Variants in PARP10 observed in about 807,000 individuals in gnomAD.
PARP10 encodes the protein protein mono-ADP-ribosyltransferase PARP10.
In PARP10, 56 loss-of-function variants were observed where a neutral mutation model predicts 82.4. That is an observed-to-expected ratio of 0.68 (90% CI 0.55 to 0.85). The LOEUF (loss-of-function observed/expected upper bound fraction) is 0.85, where lower values mean the gene tolerates loss of function less well. Among genes scored for constraint, PARP10 ranks in the 40% least tolerant of loss-of-function variants. The probability of loss-of-function intolerance (pLI) is 0.00; values close to 1 mark genes in which losing one functional copy is unlikely to be tolerated. For missense variants in PARP10, 1,227 were observed against 1,379.4 expected (o/e 0.89, Z 1.75); for synonymous variants, 576 against 601.1 (o/e 0.96, Z 0.61).
intron 1 of PARP10, among the ~76,000 whole-genome samples, chr8:144,010,940 A>T (rs1464116870): frequency 6.6e-6 from 1 of 152,090 alleles, no homozygotes; most frequent in Non-Finnish European, 1.5e-5. Flanking sequence ...AAATTTTTAA[A>T]AAGTTGTTCA....
chr8:143,986,513 C>G (rs1554749440), upstream of PARP10: 1 of 1,183,116 alleles, frequency 8.5e-7, no homozygotes, highest in Non-Finnish European at 1.2e-6. Flanking sequence ...GGCGCTGAGG[C>G]CTGGGTACTG....
upstream of PARP10, among the ~76,000 whole-genome samples, chr8:143,994,550 C>T (rs568887823): frequency 4.6e-5 from 7 of 152,356 alleles, no homozygotes; most frequent in South Asian, 1.4e-3. Context: ...CAGCTGCCCT[C>T]CTGTTGTCCT....
chr8:143,978,180 G>A, intron 9 of PARP10, 99 bp from the exon 10 acceptor site: 1 of 1,348,664 alleles, frequency 7.4e-7, no homozygotes, highest in Non-Finnish European at 9.8e-7. Flanking sequence ...CTCTGTTGGA[G>A]GAGTCCAGGG....
In PARP10 at chr8:144,011,334, G is replaced by T. The variant is rs1295973158; in HGVS notation, c.-80+1196C>A. Among the ~76,000 whole-genome samples the T allele has an allele frequency of 6.6e-6, 1 of 152,028 alleles. No individual in the cohort carries two copies. The highest frequency in any genetic ancestry group is 1.5e-5 in the Non-Finnish European group (1 of 68,020). ...CCTGGGGCCAGAGTGACTGAGCCAG[G>T]ATTACAGTCTGAAGCATTAGAGGAG... On this transcript the variant is annotated intron_variant, in intron 1 of 3. Transcript: ENST00000530478. The surrounding 1 kb of genome is among the most constrained non-coding windows in gnomAD (Gnocchi z 4.5).
intron 1 of PARP10, among the ~76,000 whole-genome samples, chr8:144,004,637 A>G (rs188622321): frequency 1.9e-3 from 290 of 152,324 alleles, no homozygotes; most frequent in Middle Eastern, 3.4e-3. Flanking sequence ...GAGATTCCTG[A>G]TGAAAATTCC....
chr8:143,991,207 C>A (rs1834087059), upstream of PARP10: 1 of 1,552,234 alleles, frequency 6.4e-7, no homozygotes, highest in Non-Finnish European at 8.7e-7. Context: ...TAGGGGCGGA[C>A]CGCGGAACCC....
chr8:143,992,730 G>A (rs1554750801), upstream of PARP10: 4 of 1,613,868 alleles, frequency 2.5e-6, no homozygotes, highest in South Asian at 1.1e-5. Context: ...TGGGGAACAA[G>A]CAGCTGTCCC....
chr8:143,982,183 TGCA>T (rs1833879082), intron 9 of PARP10, among the ~76,000 whole-genome samples: 1 of 151,906 alleles, frequency 6.6e-6, no homozygotes, highest in Non-Finnish European at 1.5e-5. Flanking sequence ...GAGTGCCCCG[TGCA>T]AGGCCGGGCG....
At chr8:143,982,343 A>G (rs1029974067) in intron 9 of PARP10, among the ~76,000 whole-genome samples, 6 of 152,132 alleles carry the variant, frequency 3.9e-5, no homozygotes, top group Admixed American at 2.6e-4. Context: ...GCGTGGTGGC[A>G]GGCGCCTGTA....
upstream of PARP10, chr8:143,993,202 T>G: frequency 1.1e-5 from 3 of 279,374 alleles, no homozygotes; most frequent in Non-Finnish European, 1.4e-5. Context: ...GGTGCACGTC[T>G]TCCCTCCTGT....
At position 143,986,346 on chromosome 8, in the gene PARP10, T is replaced by A. The variant is rs1833991692; in HGVS notation, c.2+12A>T. 1.2e-6 allele frequency: 2 copies of A among 1,613,954 alleles called. No individual in the cohort carries two copies. The highest frequency in any genetic ancestry group is 2.2e-5 in the South Asian group (2 of 91,094). ...CTCCCCCATTATGGGTGGCCCCACA[T>A]ACAGCACTTACATTCCCCGTGGCCG... On this transcript the variant is annotated intron_variant, in intron 1 of 10. Transcript: ENST00000313028.
chr8:143,992,624 C>G, upstream of PARP10: 1 of 1,614,104 alleles, frequency 6.2e-7, no homozygotes, highest in Non-Finnish European at 8.5e-7. Flanking sequence ...TGAGGGGTGA[C>G]CTTGGCCGGG....
chr8:143,977,197 TTCAAACA>T lies in PARP10; in HGVS notation c.*280_*286del. Reference sequence around the variant, plus strand: ...CCGCCTGGGTTCACGTTCACGTTTATTCAAACAACAGAGCCGACTCGGGCGAGGTCTG... The same window carrying T: ...CCGCCTGGGTTCACGTTCACGTTTATACAGAGCCGACTCGGGCGAGGTCTG... On this transcript the variant is annotated 3_prime_UTR_variant, in exon 11 of 11. Coordinates refer to ENST00000313028, the MANE Select transcript of PARP10 (RefSeq NM_032789.5). The T allele has an allele frequency of 2.2e-6, 1 of 460,090 alleles. No individual in the cohort carries two copies. Among genetic ancestry groups the T allele is most frequent in the Non-Finnish European group, 3.8e-6 (1 of 260,928 alleles). The allele number at this position is 460,090 out of a possible 1,614,324, so 28.5% of individuals were successfully genotyped here. A position where few individuals can be genotyped will look rare whatever the true frequency, so the allele number is the denominator to read the frequency against.
At chr8:143,980,319 CAAAAAAAA>C (rs564801582) in intron 9 of PARP10, among the ~76,000 whole-genome samples, 6 of 16,078 alleles carry the variant, frequency 3.7e-4, no homozygotes, top group Admixed American at 1.4e-3. Flanking sequence ...GATTCCGTCT[CAAAAAAAA>C]AAAAAAAAAA....
chr8:143,978,122 C>T (rs1554746884), intron 9 of PARP10, 41 bp from the exon 10 acceptor site: 8 of 1,454,072 alleles, frequency 5.5e-6, no homozygotes, highest in East Asian at 5.0e-5. Context: ...ACCCTCCCTA[C>T]GCCCTGGGGC....
At chr8:143,980,191 G>T (rs1252587935) in intron 9 of PARP10, among the ~76,000 whole-genome samples, 1 of 150,634 alleles carries the variant, frequency 6.6e-6, no homozygotes, top group Non-Finnish European at 1.5e-5. Flanking sequence ...GTGGTGGCAG[G>T]CGCCTGTAGT....
intron 1 of PARP10, among the ~76,000 whole-genome samples, chr8:144,012,190 C>T (rs886965439): frequency 7.2e-5 from 11 of 152,182 alleles, no homozygotes; most frequent in Non-Finnish European, 1.3e-4. Flanking sequence ...GGAAACCCAG[C>T]GGGCAGCAAT....
At chr8:143,990,674 C>G (rs967748451), upstream of PARP10, 1 of 152,136 alleles carries the variant, frequency 6.6e-6, no homozygotes, top group Admixed American at 6.5e-5. This position sits in a 1 kb window ranked among gnomAD's most constrained non-coding sequence, Gnocchi z 5.6. Flanking sequence ...GCCGTTGGGC[C>G]CTGTTGTTGG....
intron 1 of PARP10, among the ~76,000 whole-genome samples, chr8:143,998,905 A>C (rs1277060105): frequency 6.6e-6 from 1 of 151,820 alleles, no homozygotes; most frequent in African/African-American, 2.4e-5. Flanking sequence ...AGTCATGATC[A>C]CACCTCTGTA....
Sources: allele counts gnomAD v4.1 joint callset (sites outside exome capture counted in the v4.1 genomes callset), GRCh38; gene constraint gnomAD v4.1.1; non-coding constraint Gnocchi (gnomAD v3.1); transcripts MANE v1.5; gene names NCBI Gene and HGNC (gene_info 2026-07-23, HGNC 2026-07-21).